OSMR: variants seen among roughly 807,000 people sequenced by gnomAD.
OSMR encodes oncostatin-M-specific receptor subunit beta.
OSMR carries 81 observed loss-of-function variants against 99.9 expected under a neutral mutation model. The ratio of observed to expected loss-of-function variants is 0.81; its 90% CI spans 0.68 to 0.97. The LOEUF is 0.97. Ranked by LOEUF, OSMR falls within the 50% of genes least tolerant of loss-of-function variation. The pLI, the probability that OSMR is intolerant of heterozygous loss-of-function variation, is 0.00. For missense variants in OSMR, 1,099 were observed against 1,153.4 expected, an observed-to-expected ratio of 0.95 and a Z score of 0.68; for synonymous variants, 406 against 410.4, an observed-to-expected ratio of 0.99 and a Z score of 0.13.
Position 38,934,847 on chromosome 5 carries a change from T to C in OSMR, c.*1403T>C, listed in dbSNP as rs1045832874. On this transcript the variant is annotated 3_prime_UTR_variant, in exon 18 of 18. Transcript: ENST00000274276. ...GTCACATTTATTTTACTTTTATTTA[T>C]TTTTTGAGATGAAATTTCGCTCTTG... The C allele has an allele frequency of 6.6e-6, 1 of 152,046 alleles. No homozygotes were observed. Among genetic ancestry groups the C allele is most frequent in the Non-Finnish European group, 1.5e-5 (1 of 68,056 alleles). 9.4% of individuals were successfully genotyped at this position (152,046 alleles called of 1,614,324 possible).
chr5:38,855,404 T>C (rs929399945), intron 1 of OSMR, among the ~76,000 whole-genome samples: 1 of 152,152 alleles, frequency 6.6e-6, no homozygotes, highest in Non-Finnish European at 1.5e-5. Context: ...TTCTTGGAGA[T>C]GAAATAAGCA....
rs771459655 is a variant in OSMR at position 38,931,976 on chromosome 5, AG to A, written c.2294+14del. Reference sequence around the variant, plus strand: ...TTGAAAAGTCAGTGGTAAGTGTGTGAGGAAGGTTTTATCCAAGAAGAGAGTA... The same window carrying A: ...TTGAAAAGTCAGTGGTAAGTGTGTGAGAAGGTTTTATCCAAGAAGAGAGTA... On this transcript the variant is annotated intron_variant, in intron 16 of 17. Coordinates refer to ENST00000274276, the MANE Select transcript of OSMR (RefSeq NM_003999.3). 3 of 1,602,668 alleles carry A rather than the reference AG, an allele frequency of 1.9e-6. No individual in the cohort carries two copies. Among genetic ancestry groups the A allele is most frequent in the East Asian group, 4.5e-5 (2 of 44,776 alleles).
chr5:38,861,799 C>T (rs1340796253), intron 1 of OSMR, among the ~76,000 whole-genome samples: 8 of 147,332 alleles, frequency 5.4e-5, no homozygotes, highest in African/African-American at 1.0e-4. Flanking sequence ...CAGAGGGGCT[C>T]CTCACCTCCC....
intron 1 of OSMR, among the ~76,000 whole-genome samples, chr5:38,863,840 T>G (rs1344113692): frequency 1.3e-5 from 2 of 152,238 alleles, no homozygotes; most frequent in South Asian, 2.1e-4. Context: ...ATCTGGATAC[T>G]CTGGTGTTGG....
At chr5:38,913,350 C>T (rs1176411068) in intron 9 of OSMR, among the ~76,000 whole-genome samples, 2 of 151,938 alleles carry the variant, frequency 1.3e-5, no homozygotes, top group African/African-American at 4.8e-5. Context: ...GAGATTGAGA[C>T]CATCCTGGCT....
chr5:38,933,878 T>C lies in OSMR; in HGVS notation c.*434T>C, dbSNP rs778729828. The C allele has an allele frequency of 4.3e-5, 7 of 162,536 alleles. No individual in the cohort carries two copies. The highest frequency in any genetic ancestry group is 8.1e-5 in the Non-Finnish European group (6 of 74,288). 10.1% of individuals were successfully genotyped at this position (162,536 alleles called of 1,614,324 possible). A position where few individuals can be genotyped will look rare whatever the true frequency, so the allele number is the denominator to read the frequency against. On this transcript the variant is annotated 3_prime_UTR_variant, in exon 18 of 18. Coordinates refer to ENST00000274276, the MANE Select transcript of OSMR (RefSeq NM_003999.3). ...ATAAAGGCCACAGGAGACATTACTA[T>C]AGCATAGATTGTCAAATGTAAATTT...
At chr5:38,863,450 T>C (rs1378711539) in intron 1 of OSMR, among the ~76,000 whole-genome samples, 1 of 151,692 alleles carries the variant, frequency 6.6e-6, no homozygotes, top group Non-Finnish European at 1.5e-5. Context: ...GGCAGGAGAA[T>C]CGCATGAACC....
At chr5:38,869,348 G>A (rs1249653791) in intron 2 of OSMR, among the ~76,000 whole-genome samples, 1 of 152,094 alleles carries the variant, frequency 6.6e-6, no homozygotes, top group African/African-American at 2.4e-5. Flanking sequence ...TGACTTCCTG[G>A]TCAGTGCACT....
At chr5:38,944,295 T>C in exon 2 of OSMR, 1 of 768,524 alleles carries the variant, frequency 1.3e-6, no homozygotes, top group South Asian at 1.4e-5. Context: ...GGCTGAAGTA[T>C]TAAAGAAAAT....
In OSMR at chr5:38,933,618, TC is replaced by T. The variant is rs1316179525; in HGVS notation, c.*178del. The T allele has an allele frequency of 3.0e-6, 2 of 669,696 alleles. No homozygotes were observed. The highest frequency in any genetic ancestry group is 5.2e-6 in the Non-Finnish European group (2 of 387,602). The allele number at this position is 669,696 out of a possible 1,614,324, so 41.5% of individuals were successfully genotyped here. On this transcript the variant is annotated 3_prime_UTR_variant, in exon 18 of 18. Transcript: ENST00000274276. ...GGCCAGAGGCTATGGAACTTAACAC[TC>T]CCCATTGGAGCAAGCTTGCCCTAGA...
At chr5:38,852,718 A>ATTGTTTTTTTTTTTTTTT (rs1740493475) in intron 1 of OSMR, among the ~76,000 whole-genome samples, 1 of 70,660 alleles carries the variant, frequency 1.4e-5, no homozygotes, top group Non-Finnish European at 2.6e-5. Flanking sequence ...TATTGTTTTC[A>ATTGTTTTTTTTTTTTTTT]TTTTTTTTTT....
In OSMR at chr5:38,908,040, A is replaced by C. The variant is rs1180934747; in HGVS notation, c.1285+3537A>C. Among the ~76,000 whole-genome samples the C allele has an allele frequency of 3.3e-5, 5 of 150,488 alleles. No homozygotes were observed. In the East Asian group the frequency reaches 5.8e-4, roughly 18 times the overall value. On this transcript the variant is annotated intron_variant, in intron 9 of 17. Transcript: ENST00000274276. ...GCGTGAATGTGTGCATGGCCCCACA[A>C]CCCCCCCAACACCATCACTGGCACA...
chr5:38,930,073 T>A (rs547185664), intron 15 of OSMR, among the ~76,000 whole-genome samples: 1 of 152,330 alleles, frequency 6.6e-6, no homozygotes, highest in Non-Finnish European at 1.5e-5. Context: ...CCCTTTAACA[T>A]TATCTTTGGA....
intron 2 of OSMR, among the ~76,000 whole-genome samples, chr5:38,873,004 C>T (rs1026667032): frequency 6.6e-5 from 10 of 152,146 alleles, no homozygotes; most frequent in Admixed American, 6.5e-4. Context: ...AATATTAGTA[C>T]ATTCACAATG....
At chr5:38,888,101 A>G (rs1743912335) in intron 7 of OSMR, among the ~76,000 whole-genome samples, 1 of 152,140 alleles carries the variant, frequency 6.6e-6, no homozygotes, top group South Asian at 2.1e-4. Context: ...ACAAAGAGAA[A>G]ACCCCATGTG....
chr5:38,929,513 T>C (rs1447609162), intron 15 of OSMR, among the ~76,000 whole-genome samples: 1 of 152,204 alleles, frequency 6.6e-6, no homozygotes, highest in Non-Finnish European at 1.5e-5. Context: ...AAAGTTTGTG[T>C]TTAAAATTAG....
Position 38,909,750 on chromosome 5 carries a change from T to C in OSMR, c.1285+5247T>C, listed in dbSNP as rs146875030. 6.4e-3 allele frequency among the ~76,000 whole-genome samples: 976 copies of C among 152,246 alleles called. 15 individuals are homozygous for C. Among genetic ancestry groups the C allele is most frequent in the African/African-American group, 0.022 (919 of 41,534 alleles). On this transcript the variant is annotated intron_variant, in intron 9 of 17. Coordinates refer to ENST00000274276, the MANE Select transcript of OSMR (RefSeq NM_003999.3). ...GAAGTGCCAAATATGAAAAAGGAAGTCCATTACCAACCACCACAAAAACAG... is the reference window on the plus strand; with the variant it reads ...GAAGTGCCAAATATGAAAAAGGAAGCCCATTACCAACCACCACAAAAACAG...
At chr5:38,879,218 C>T (rs182062459) in intron 3 of OSMR, among the ~76,000 whole-genome samples, 41 of 152,330 alleles carry the variant, frequency 2.7e-4, no homozygotes, top group Non-Finnish European at 4.4e-4. Context: ...TGAGCAGAGG[C>T]GCTGAGAGAA....
chr5:38,879,402 C>T (rs1013239940), intron 3 of OSMR, among the ~76,000 whole-genome samples: 11 of 152,108 alleles, frequency 7.2e-5, no homozygotes, highest in Non-Finnish European at 4.4e-5. Context: ...AGCCGCACAG[C>T]GGAATGTGGT....
Sources: gnomAD v4.1 joint callset for allele counts (sites outside exome capture counted in the v4.1 genomes callset) on GRCh38, gnomAD v4.1.1 for gene constraint, MANE v1.5 for transcripts, NCBI Gene and HGNC (gene_info 2026-07-23, HGNC 2026-07-21) for gene names.